EPS15: variants seen among roughly 807,000 people sequenced by gnomAD.
EPS15 encodes the protein epidermal growth factor receptor substrate 15.
Under a neutral mutation model 113.8 loss-of-function variants are expected in EPS15, and 72 were observed. The observed-to-expected ratio is 0.63, with a 90% CI of 0.52 to 0.77. The LOEUF (loss-of-function observed/expected upper bound fraction) is 0.77, where lower values mean the gene tolerates loss of function less well. Ranked by LOEUF, EPS15 falls within the 30% of genes least tolerant of loss-of-function variation. EPS15 has a pLI of 0.00. For synonymous variants in EPS15, 344 were observed against 363.4 expected (o/e 0.95, Z 0.61); for missense variants, 1,048 against 1,045.8 (o/e 1.00, Z -0.03).
intron 14 of EPS15, among the ~76,000 whole-genome samples, chr1:51,408,656 G>A (rs1254689627): frequency 6.6e-6 from 1 of 152,014 alleles, no homozygotes; most frequent in Non-Finnish European, 1.5e-5. Flanking sequence ...GTCTCACTCT[G>A]TCACCCAGGC....
chr1:51,478,299 A>AT (rs1643952967), intron 2 of EPS15, among the ~76,000 whole-genome samples: 1 of 151,544 alleles, frequency 6.6e-6, no homozygotes, highest in Non-Finnish European at 1.5e-5. Flanking sequence ...TTTGTTTTCC[A>AT]TTTGCTTGGT....
At chr1:51,379,415 T>C (rs1646883817) in intron 21 of EPS15, among the ~76,000 whole-genome samples, 1 of 152,024 alleles carries the variant, frequency 6.6e-6, no homozygotes, top group African/African-American at 2.4e-5. Flanking sequence ...CCACAGTGCC[T>C]GGCCAGGATC....
intron 1 of EPS15, among the ~76,000 whole-genome samples, chr1:51,514,303 A>C (rs1644676148): frequency 6.6e-6 from 1 of 152,140 alleles, no homozygotes; most frequent in African/African-American, 2.4e-5. Flanking sequence ...TATTTCTACC[A>C]GTTCTCCAAC....
chr1:51,359,855 T>TA (rs994338522), intron 24 of EPS15, among the ~76,000 whole-genome samples: 14 of 152,196 alleles, frequency 9.2e-5, no homozygotes, highest in Non-Finnish European at 1.6e-4. Flanking sequence ...CACCAGAACT[T>TA]AGAGTACAGA....
At chr1:51,518,257 G>A (rs1644762836) in intron 1 of EPS15, 1 of 152,442 alleles carries the variant, frequency 6.6e-6, no homozygotes. Context: ...TGTGAGTGAT[G>A]TTTAGAGGTT....
chr1:51,368,040 G>A (rs1003868677), intron 21 of EPS15, among the ~76,000 whole-genome samples: 1 of 152,178 alleles, frequency 6.6e-6, no homozygotes, highest in African/African-American at 2.4e-5. Context: ...GCTGAGGCAG[G>A]AGAATCACTT....
chr1:51,427,803 A>G (rs1651354053), intron 12 of EPS15, among the ~76,000 whole-genome samples: 3 of 152,240 alleles, frequency 2.0e-5, no homozygotes, highest in Non-Finnish European at 2.9e-5. Context: ...AAAGCACAGA[A>G]GATGTTGGCA....
intron 24 of EPS15, among the ~76,000 whole-genome samples, chr1:51,357,391 A>AAAAATAT (rs1491245303): frequency 9.1e-5 from 6 of 65,732 alleles, no homozygotes; most frequent in African/African-American, 3.5e-4. Flanking sequence ...AAAAAAAAAA[A>AAAAATAT]ATATATATAT....
At chr1:51,385,824 T>G (rs1647053557) in intron 21 of EPS15, among the ~76,000 whole-genome samples, 1 of 152,188 alleles carries the variant, frequency 6.6e-6, no homozygotes. Context: ...TTTTTTATGA[T>G]TCCACTTATA....
In EPS15 at chr1:51,448,151, A is replaced by G. The variant is rs1570326296; in HGVS notation, c.562-16T>C. 6.5e-7 allele frequency: 1 copy of G among 1,545,924 alleles called. No individual in the cohort carries two copies. Among genetic ancestry groups the G allele is most frequent in the South Asian group, 1.1e-5 (1 of 89,378 alleles). ...AAAACATGGCCTTCAAAATAAATGA[A>G]CCAGGGTCATATATATTAAAAGCAC... On this transcript the variant is annotated splice_polypyrimidine_tract_variant and intron_variant, in intron 8 of 24. Coordinates refer to ENST00000371733, the MANE Select transcript of EPS15 (RefSeq NM_001981.3).
rs563784750 is a variant in EPS15, at chr1:51,494,794, C to T, written c.34-13480G>A. 8.5e-5 allele frequency among the ~76,000 whole-genome samples: 13 copies of T among 152,334 alleles called. No homozygotes were observed. In the East Asian group the frequency reaches 2.5e-3, roughly 29 times the overall value. ...TCCCTGTATGTCTGCGTTCAAATTT[C>T]CCTTTTTATAAGGATGCCAGTCATA... On this transcript the variant is annotated intron_variant, in intron 1 of 24. Transcript: ENST00000371733.
intron 4 of EPS15, among the ~76,000 whole-genome samples, chr1:51,470,963 C>T (rs1655195614): frequency 6.6e-6 from 1 of 152,148 alleles, no homozygotes; most frequent in African/African-American, 2.4e-5. Flanking sequence ...AGTAGCCCTT[C>T]TACCCAGAGA....
At chr1:51,423,395 T>C (rs1650947605) in intron 12 of EPS15, 1 of 1,092,806 alleles carries the variant, frequency 9.2e-7, no homozygotes, top group African/African-American at 1.6e-5. Context: ...GGGGAAAAAT[T>C]TCTGAAAATA....
intron 21 of EPS15, among the ~76,000 whole-genome samples, chr1:51,371,893 C>T (rs1482309818): frequency 6.6e-6 from 1 of 152,132 alleles, no homozygotes; most frequent in Non-Finnish European, 1.5e-5. Context: ...ATTTTCTATA[C>T]TGAATTTTTA....
At chr1:51,413,595 G>T (rs1010981409) in intron 13 of EPS15, among the ~76,000 whole-genome samples, 2 of 152,056 alleles carry the variant, frequency 1.3e-5, no homozygotes. Context: ...ACCCCAAACT[G>T]ACCTATGACA....
intron 7 of EPS15, among the ~76,000 whole-genome samples, chr1:51,462,749 T>C (rs1654556700): frequency 6.6e-6 from 1 of 152,100 alleles, no homozygotes; most frequent in South Asian, 2.1e-4. Flanking sequence ...TGCATAATAA[T>C]GTAAATGTAG....
At chr1:51,378,954 G>A (rs923404348) in intron 21 of EPS15, among the ~76,000 whole-genome samples, 1 of 152,134 alleles carries the variant, frequency 6.6e-6, no homozygotes, top group Admixed American at 6.6e-5. Flanking sequence ...CCAACTTTGA[G>A]GGAAGACATG....
rs528909548 is a variant in EPS15, at chr1:51,447,399, A to G, written c.652-294T>C. 2.6e-5 allele frequency among the ~76,000 whole-genome samples: 4 copies of G among 152,354 alleles called. No individual in the cohort carries two copies. In the East Asian group the frequency reaches 5.8e-4, roughly 22 times the overall value. On this transcript the variant is annotated intron_variant, in intron 9 of 24. Transcript: ENST00000371733. Reference sequence around the variant, plus strand: ...ACTCTTGACTAATGCCCACATTAATATAGGTAACTGAAAGTCTGTATAAAC... The same window carrying G: ...ACTCTTGACTAATGCCCACATTAATGTAGGTAACTGAAAGTCTGTATAAAC...
chr1:51,461,521 TAAAAAA>T lies in EPS15; in HGVS notation c.502-377_502-372del, dbSNP rs34184025. Among the ~76,000 whole-genome samples the T allele has an allele frequency of 4.7e-5, 4 of 85,076 alleles. No homozygotes were observed. The South Asian group carries it at 1.7e-3, about 35-fold the overall frequency. 55.8% of individuals were successfully genotyped at this position (85,076 alleles called of 152,430 possible). A position where few individuals can be genotyped will look rare whatever the true frequency, so the allele number is the denominator to read the frequency against. On this transcript the variant is annotated intron_variant, in intron 7 of 24. Coordinates refer to ENST00000371733, the MANE Select transcript of EPS15 (RefSeq NM_001981.3). ...GGCAACGGAGCTAGACACTGTTTCT[TAAAAAA>T]AAAAAAAAAAAAAAAAAAAAGTGTA...
Sources: allele counts gnomAD v4.1 joint callset (sites outside exome capture counted in the v4.1 genomes callset), GRCh38; gene constraint gnomAD v4.1.1; transcripts MANE v1.5; gene names NCBI Gene and HGNC (gene_info 2026-07-23, HGNC 2026-07-21).